The following KCND2 variants were observed in gnomAD, a reference collection of about 807,000 sequenced individuals.
The protein encoded by KCND2 is potassium voltage-gated channel subfamily D member 2.
A neutral mutation model predicts 54.4 loss-of-function variants in KCND2; 16 were observed. The observed-to-expected ratio is 0.29, with a 90% confidence interval of 0.20 to 0.45. The LOEUF (loss-of-function observed/expected upper bound fraction) is 0.45, where lower values mean the gene tolerates loss of function less well. Among genes scored for constraint, KCND2 ranks in the 20% least tolerant of loss-of-function variants. The pLI is 1.00. For missense variants in KCND2, 486 were observed against 824.2 expected (o/e 0.59, Z 5.02); for synonymous variants, 317 against 310.7 (o/e 1.02, Z -0.21).
At chr7:120,632,976 G>A (rs147729283) in intron 1 of KCND2, among the ~76,000 whole-genome samples, 35 of 152,278 alleles carry the variant, frequency 2.3e-4, no homozygotes, top group African/African-American at 8.2e-4. Context: ...CTTGGCATAA[G>A]GAGAGGCTTT....
intron 1 of KCND2, among the ~76,000 whole-genome samples, chr7:120,284,114 A>G (rs951837929): frequency 6.6e-6 from 1 of 152,172 alleles, no homozygotes; most frequent in African/African-American, 2.4e-5. Flanking sequence ...CAGATGAACA[A>G]ATTGTGAAAA....
intron 1 of KCND2, among the ~76,000 whole-genome samples, chr7:120,345,421 C>T (rs1214920590): frequency 6.6e-6 from 1 of 152,108 alleles, no homozygotes; most frequent in Non-Finnish European, 1.5e-5. Context: ...ATCTATGTAG[C>T]ATAAAATTTA....
At chr7:120,363,465 T>C (rs1279131375) in intron 1 of KCND2, among the ~76,000 whole-genome samples, 1 of 152,110 alleles carries the variant, frequency 6.6e-6, no homozygotes, top group Non-Finnish European at 1.5e-5. Context: ...CTTGCAGTTA[T>C]CCTTGATTCC....
chr7:120,287,946 G>T (rs548060356), intron 1 of KCND2, among the ~76,000 whole-genome samples: 4 of 152,178 alleles, frequency 2.6e-5, no homozygotes, highest in African/African-American at 9.6e-5. Flanking sequence ...CTTGAATACA[G>T]GTAAAAAACC....
At chr7:120,334,324 C>T (rs1377004204) in intron 1 of KCND2, among the ~76,000 whole-genome samples, 2 of 152,128 alleles carry the variant, frequency 1.3e-5, no homozygotes, top group Non-Finnish European at 2.9e-5. Flanking sequence ...TAACACAACT[C>T]GATGATGGTT....
intron 1 of KCND2, among the ~76,000 whole-genome samples, chr7:120,300,135 T>C (rs1220742750): frequency 5.3e-5 from 8 of 152,212 alleles, no homozygotes; most frequent in Non-Finnish European, 1.2e-4. Flanking sequence ...GACACCAGGC[T>C]GTATAAAATA....
intron 1 of KCND2, among the ~76,000 whole-genome samples, chr7:120,645,620 A>T (rs905775334): frequency 3.9e-5 from 6 of 151,986 alleles, no homozygotes; most frequent in African/African-American, 1.5e-4. Flanking sequence ...GGCTGGCCAC[A>T]TGACAATTGG....
At chr7:120,295,185 G>A (rs1410071360) in intron 1 of KCND2, among the ~76,000 whole-genome samples, 1 of 151,806 alleles carries the variant, frequency 6.6e-6, no homozygotes, top group African/African-American at 2.4e-5. Flanking sequence ...CAAGATTATT[G>A]TAATGTTCTG....
intron 1 of KCND2, among the ~76,000 whole-genome samples, chr7:120,539,934 T>C (rs963490805): frequency 1.3e-5 from 2 of 152,138 alleles, no homozygotes; most frequent in South Asian, 4.1e-4. Context: ...AACTCTGAAA[T>C]CTTAATATGA....
chr7:120,301,063 A>G (rs1361632393), intron 1 of KCND2, among the ~76,000 whole-genome samples: 1 of 152,140 alleles, frequency 6.6e-6, no homozygotes, highest in Admixed American at 6.5e-5. Flanking sequence ...AATCTGTAGA[A>G]ATATCTCCAT....
chr7:120,686,875 G>A (rs572613893), intron 1 of KCND2, among the ~76,000 whole-genome samples: 1 of 152,230 alleles, frequency 6.6e-6, no homozygotes, highest in African/African-American at 2.4e-5. Context: ...ATCTTATCAG[G>A]AAACCGCTGA....
intron 1 of KCND2, among the ~76,000 whole-genome samples, chr7:120,292,255 T>C (rs1384567317): frequency 2.0e-5 from 3 of 151,942 alleles, no homozygotes; most frequent in Admixed American, 6.6e-5. Context: ...ATTTCTCTGA[T>C]AAGAAAGCAA....
At chr7:120,471,666 G>T (rs1165356530) in intron 1 of KCND2, among the ~76,000 whole-genome samples, 2 of 152,018 alleles carry the variant, frequency 1.3e-5, no homozygotes, top group African/African-American at 2.4e-5. Context: ...TGTCCTCAGG[G>T]TCTATGTCAT....
At chr7:120,702,203 T>C (rs1201002727) in intron 1 of KCND2, among the ~76,000 whole-genome samples, 1 of 152,160 alleles carries the variant, frequency 6.6e-6, no homozygotes, top group Non-Finnish European at 1.5e-5. Flanking sequence ...TCAACATCAG[T>C]GATCATTGGA....
intron 1 of KCND2, among the ~76,000 whole-genome samples, chr7:120,475,054 T>C (rs1802514132): frequency 6.6e-6 from 1 of 152,210 alleles, no homozygotes; most frequent in Non-Finnish European, 1.5e-5. Context: ...ATATCAGAAC[T>C]GAGCAATTTA....
chr7:120,680,559 T>C (rs1045082238), intron 1 of KCND2, among the ~76,000 whole-genome samples: 1 of 152,142 alleles, frequency 6.6e-6, no homozygotes, highest in African/African-American at 2.4e-5. Flanking sequence ...TTTGATCAGA[T>C]GTCATGTTAG....
chr7:120,630,403 ATT>A (rs1160754007), intron 1 of KCND2, among the ~76,000 whole-genome samples: 1 of 152,186 alleles, frequency 6.6e-6, no homozygotes, highest in Admixed American at 6.5e-5. Flanking sequence ...CCCCCAAACT[ATT>A]TAAAATTTTA....
intron 1 of KCND2, among the ~76,000 whole-genome samples, chr7:120,286,601 C>T (rs899396522): frequency 5.3e-5 from 8 of 152,020 alleles, no homozygotes; most frequent in African/African-American, 1.9e-4. Flanking sequence ...GACAATTAGG[C>T]AGGAAATAAT....
At chr7:120,683,262 A>G (rs1792162330) in intron 1 of KCND2, among the ~76,000 whole-genome samples, 1 of 152,176 alleles carries the variant, frequency 6.6e-6, no homozygotes. Flanking sequence ...TGGTGTCATT[A>G]CAAATGGAGA....
Sources: allele counts gnomAD v4.1 joint callset (sites outside exome capture counted in the v4.1 genomes callset), GRCh38; gene constraint gnomAD v4.1.1; transcripts MANE v1.5; gene names NCBI Gene and HGNC (gene_info 2026-07-23, HGNC 2026-07-21).